Variants in SLC15A5 observed in about 807,000 individuals in gnomAD.
SLC15A5 encodes Peptide/histidine transporter ENSP00000340402.
A neutral mutation model predicts 56.1 loss-of-function variants in SLC15A5; 58 were observed. The ratio of observed to expected loss-of-function variants is 1.03; its 90% CI spans 0.84 to 1.29. The LOEUF is 1.29. SLC15A5 is among the 50% of genes most tolerant of loss of function. The pLI is 0.00. For synonymous variants in SLC15A5, 264 were observed against 250.5 expected (o/e 1.05, Z -0.51); for missense variants, 681 against 672.1 (o/e 1.01, Z -0.15).
At chr12:16,251,230 A>T (rs1466140065) in intron 3 of SLC15A5, among the ~76,000 whole-genome samples, 1 of 151,892 alleles carries the variant, frequency 6.6e-6, no homozygotes, top group African/African-American at 2.4e-5. Flanking sequence ...AAATGTTTAC[A>T]TTAATAAAGA....
At chr12:16,227,604 G>C (rs1864255188) in intron 5 of SLC15A5, among the ~76,000 whole-genome samples, 1 of 152,156 alleles carries the variant, frequency 6.6e-6, no homozygotes, top group African/African-American at 2.4e-5. Context: ...GAAAGCATCA[G>C]ACAGATTTTC....
At chr12:16,231,315 G>A (rs1003619874) in intron 5 of SLC15A5, among the ~76,000 whole-genome samples, 2 of 152,076 alleles carry the variant, frequency 1.3e-5, no homozygotes, top group East Asian at 3.9e-4. Flanking sequence ...TTAAATGATG[G>A]CAAAGAAATT....
rs1463542683 is a variant in SLC15A5 at position 16,243,016 on chromosome 12, G to C, written c.975+1564C>G. 6.6e-6 allele frequency among the ~76,000 whole-genome samples: 1 copy of C among 152,090 alleles called. No individual in the cohort carries two copies. The highest frequency in any genetic ancestry group is 6.6e-5 in the Admixed American group (1 of 15,264). ...TAGCTTTCATGCATTATTTAGTCTA[G>C]AGGTCAAGAAATTTTCTGTAAAGGG... On this transcript the variant is annotated intron_variant, in intron 4 of 8. Coordinates refer to ENST00000344941, the MANE Select transcript of SLC15A5 (RefSeq NM_001170798.1). This position sits in a 1 kb window ranked among gnomAD's most constrained non-coding sequence, Gnocchi z 4.4.
At chr12:16,215,688 T>C (rs1864125138) in intron 7 of SLC15A5, among the ~76,000 whole-genome samples, 1 of 152,192 alleles carries the variant, frequency 6.6e-6, no homozygotes, top group Admixed American at 6.6e-5. Flanking sequence ...CACGGCCTGG[T>C]ACACAGTAAA....
Position 16,222,989 on chromosome 12 carries a change from A to G in SLC15A5, c.1351+1425T>C, listed in dbSNP as rs2136248897. On this transcript the variant is annotated intron_variant, in intron 6 of 8. Coordinates refer to ENST00000344941, the MANE Select transcript of SLC15A5 (RefSeq NM_001170798.1). ...AGTTTAAAATCTCATAAAGTAATTT[A>G]TGTATGCAAAATATATGGGATGAAA... Among the ~76,000 whole-genome samples, 3 of 152,318 alleles carry G rather than the reference A, an allele frequency of 2.0e-5. No homozygotes were observed. In the East Asian group the frequency reaches 5.8e-4, roughly 29 times the overall value.
intron 6 of SLC15A5, among the ~76,000 whole-genome samples, chr12:16,223,558 T>A (rs1864209565): frequency 6.6e-6 from 1 of 152,216 alleles, no homozygotes. Context: ...ATAAACTTAT[T>A]TTGAACCTGT....
At chr12:16,259,943 G>T (rs1420687366) in intron 2 of SLC15A5, among the ~76,000 whole-genome samples, 1 of 151,876 alleles carries the variant, frequency 6.6e-6, no homozygotes, top group East Asian at 1.9e-4. Context: ...CTGGGCAGGA[G>T]ATCCAAGACA....
chr12:16,261,103 C>A (rs1864639246), intron 2 of SLC15A5, among the ~76,000 whole-genome samples: 1 of 151,974 alleles, frequency 6.6e-6, no homozygotes, highest in Non-Finnish European at 1.5e-5. Context: ...CAGTAAACTG[C>A]ATATATTTGA....
intron 6 of SLC15A5, among the ~76,000 whole-genome samples, chr12:16,222,278 G>A (rs1864195369): frequency 6.6e-6 from 1 of 152,154 alleles, no homozygotes; most frequent in Middle Eastern, 3.2e-3. Flanking sequence ...GTCAGTGACA[G>A]AACTGGGTTT....
At chr12:16,211,188 T>C (rs2136244164) in intron 7 of SLC15A5, among the ~76,000 whole-genome samples, 1 of 152,356 alleles carries the variant, frequency 6.6e-6, no homozygotes, top group Non-Finnish European at 1.5e-5. Context: ...ATCTCTTAGA[T>C]AATAGGTATG....
At chr12:16,190,562 G>A (rs1863830350) in intron 8 of SLC15A5, among the ~76,000 whole-genome samples, 1 of 152,248 alleles carries the variant, frequency 6.6e-6, no homozygotes, top group South Asian at 2.1e-4. Flanking sequence ...CCCAGTGATT[G>A]ATACATAGTA....
chr12:16,259,355 C>T (rs73328960), intron 2 of SLC15A5, among the ~76,000 whole-genome samples: 7,956 of 151,322 alleles, frequency 0.053, 318 homozygotes, highest in African/African-American at 0.11. Context: ...CCCTCCCTCT[C>T]TTCCCTCCTT....
chr12:16,267,635 C>G (rs1864709588), intron 2 of SLC15A5, among the ~76,000 whole-genome samples: 1 of 111,156 alleles, frequency 9.0e-6, no homozygotes, highest in South Asian at 4.3e-4. Flanking sequence ...CTCTCTTACT[C>G]TTTAACCTGT....
At chr12:16,241,109 G>A (rs978883027) in intron 4 of SLC15A5, among the ~76,000 whole-genome samples, 3 of 152,018 alleles carry the variant, frequency 2.0e-5, no homozygotes, top group African/African-American at 4.8e-5. Flanking sequence ...CACCGTGCCC[G>A]GCCCATCATG....
intron 4 of SLC15A5, among the ~76,000 whole-genome samples, chr12:16,242,513 G>C (rs1212402625): frequency 6.6e-6 from 1 of 152,188 alleles, no homozygotes; most frequent in Non-Finnish European, 1.5e-5. Flanking sequence ...TCAGATTTAG[G>C]AGAGTAATAG....
chr12:16,250,825 CT>C (rs879346146), intron 3 of SLC15A5, among the ~76,000 whole-genome samples: 1 of 151,810 alleles, frequency 6.6e-6, no homozygotes. Flanking sequence ...GTGAGTAAAA[CT>C]TTTTGACCAT....
chr12:16,198,250 A>AT (rs1565655651), intron 7 of SLC15A5, among the ~76,000 whole-genome samples: 3 of 152,188 alleles, frequency 2.0e-5, no homozygotes, highest in African/African-American at 4.8e-5. Context: ...ATTTTTTAGA[A>AT]TTTTTTTGTG....
chr12:16,257,918 A>T, intron 2 of SLC15A5, 48 bp from the exon 3 acceptor site: 1 of 1,311,904 alleles, frequency 7.6e-7, no homozygotes, highest in Non-Finnish European at 9.7e-7. Flanking sequence ...GAATTGCTTT[A>T]GATAACTATT....
chr12:16,265,181 A>G (rs1864681740), intron 2 of SLC15A5, among the ~76,000 whole-genome samples: 1 of 152,178 alleles, frequency 6.6e-6, no homozygotes, highest in South Asian at 2.1e-4. Flanking sequence ...AATCACAGCT[A>G]TTGTAGCAAG....
Sources: allele counts gnomAD v4.1 joint callset (sites outside exome capture counted in the v4.1 genomes callset), GRCh38; gene constraint gnomAD v4.1.1; non-coding constraint Gnocchi (gnomAD v3.1); transcripts MANE v1.5; gene names NCBI Gene and HGNC (gene_info 2026-07-23, HGNC 2026-07-21).